FLYWCH1: variants seen among roughly 807,000 people sequenced by gnomAD.
The protein encoded by FLYWCH1 is FLYWCH-type zinc finger 1.
A neutral mutation model predicts 66.4 loss-of-function variants in FLYWCH1; 75 were observed. The observed-to-expected ratio is 1.13, with a 90% CI of 0.94 to 1.37. The LOEUF (loss-of-function observed/expected upper bound fraction) is 1.37. FLYWCH1 is among the 40% of genes most tolerant of loss of function. The pLI is 0.00. For synonymous variants in FLYWCH1, 595 were observed against 429.9 expected, an observed-to-expected ratio of 1.38 and a Z score of -4.75; for missense variants, 1,334 against 1,001.8, an observed-to-expected ratio of 1.33 and a Z score of -4.48.
At chr16:2,941,908 A>G in intron 9 of FLYWCH1, among the ~76,000 whole-genome samples, 1 of 143,420 alleles carries the variant, frequency 7.0e-6, no homozygotes, top group African/African-American at 2.6e-5. Flanking sequence ...GTAGCAGGAG[A>G]ATTGCTTGAA....
At chr16:2,938,530 G>A (rs914147100) in intron 8 of FLYWCH1, 74 bp downstream of exon 8, 5 of 1,412,882 alleles carry the variant, frequency 3.5e-6, no homozygotes, top group Admixed American at 2.6e-5. Context: ...TGATGCCCCA[G>A]GCCAGGCACC....
rs563526861 is a variant in FLYWCH1 at position 2,933,785 on chromosome 16, G to T, written c.1319G>T (p.Arg440Leu). ...GTGTACGAGTCCTTCCTCTACCGGC[G>T]GGAGAAGGCGGCTGGGGAGAAGGTG... ...FLVYESFLYR[R>L]EKAAGEKVYW... The change falls in exon 6 of 10, where the codon CGG becomes CTG. Residue 440 changes from arginine to leucine, a missense_variant. Arg to Leu is a moderately radical substitution (Grantham distance 102, BLOSUM62 -2). Transcript: ENST00000253928. The T allele has an allele frequency of 1.2e-6, 2 of 1,611,230 alleles. No homozygotes were observed. Among genetic ancestry groups the T allele is most frequent in the South Asian group, 1.1e-5 (1 of 90,816 alleles).
Position 2,933,224 on chromosome 16 carries a change from G to T in FLYWCH1, c.891G>T (p.Gly297=). Residue 297 remains glycine, a synonymous_variant, in exon 5 of 10, where the codon GGG becomes GGT. Coordinates refer to ENST00000253928, the MANE Select transcript of FLYWCH1 (RefSeq NM_001308068.2). ...SFLYKREKAV[G]DKVYWTCRDH... is the part of the protein sequence containing the mutation. ...TCTACAAGCGGGAGAAGGCTGTCGGGGACAAGGTGTATTGGACCTGCCGGG... is the reference window on the plus strand; with the variant it reads ...TCTACAAGCGGGAGAAGGCTGTCGGTGACAAGGTGTATTGGACCTGCCGGG... 6.2e-7 allele frequency: 1 copy of T among 1,613,674 alleles called. No homozygotes were observed. Among genetic ancestry groups the T allele is most frequent in the Middle Eastern group, 1.6e-4 (1 of 6,062 alleles).
At chr16:2,942,022 A>C (rs28844308) in intron 9 of FLYWCH1, among the ~76,000 whole-genome samples, 31,149 of 135,210 alleles carry the variant, frequency 0.23, 5,122 homozygotes, top group African/African-American at 0.39. Flanking sequence ...AAAAAAAAAA[A>C]ACTGAAGCAG....
At chr16:2,918,202 C>G (rs1482171228) in intron 2 of FLYWCH1, among the ~76,000 whole-genome samples, 1 of 139,340 alleles carries the variant, frequency 7.2e-6, no homozygotes, top group African/African-American at 2.8e-5. Context: ...GGCTGGAGTG[C>G]AGTGGGGCAA....
intron 8 of FLYWCH1, 123 bp downstream of exon 8, chr16:2,938,579 A>C (rs2071120342): frequency 1.3e-6 from 1 of 799,086 alleles, no homozygotes; most frequent in Non-Finnish European, 1.8e-6. Flanking sequence ...CAAATTATTC[A>C]TATAAACAGA....
intron 6 of FLYWCH1, chr16:2,936,237 G>A: frequency 2.8e-6 from 1 of 360,358 alleles, no homozygotes; most frequent in Admixed American, 3.5e-5. Context: ...CATCCGTGTG[G>A]AAGGGGATAA....
chr16:2,929,300 G>A (rs142601015), intron 2 of FLYWCH1, among the ~76,000 whole-genome samples: 167 of 152,296 alleles, frequency 1.1e-3, no homozygotes, highest in African/African-American at 3.7e-3. Context: ...CTGGAAACGC[G>A]GGTGGAAACC....
At chr16:2,930,328 C>A in intron 3 of FLYWCH1, 82 bp from the exon 4 acceptor site, 1 of 840,420 alleles carries the variant, frequency 1.2e-6, no homozygotes. Context: ...TACTCAGGAT[C>A]CCCACGCCCT....
intron 2 of FLYWCH1, among the ~76,000 whole-genome samples, chr16:2,929,282 AG>A (rs951915795): frequency 2.6e-5 from 4 of 152,006 alleles, no homozygotes; most frequent in African/African-American, 9.7e-5. Flanking sequence ...TAGGGACTGG[AG>A]GGGGGACTGG....
rs567126922 is a variant in FLYWCH1 at position 2,928,327 on chromosome 16, G to T, written c.-73-1286G>T. On this transcript the variant is annotated intron_variant, in intron 2 of 9. Coordinates refer to ENST00000253928, the MANE Select transcript of FLYWCH1 (RefSeq NM_001308068.2). ...ACCCTTCACAGGTGTCAGGCTGGGG[G>T]ATGGTAAGGTCTTTCCTTTCCCATG... Among the ~76,000 whole-genome samples the T allele has an allele frequency of 5.3e-5, 8 of 152,264 alleles. No individual in the cohort carries two copies. The South Asian group carries it at 1.2e-3, about 24-fold the overall frequency.
intron 6 of FLYWCH1, chr16:2,936,336 C>A: frequency 2.2e-6 from 1 of 454,088 alleles, no homozygotes; most frequent in Non-Finnish European, 4.4e-6. Flanking sequence ...CCCCAGGCTC[C>A]TGTGCTGCTG....
intron 2 of FLYWCH1, among the ~76,000 whole-genome samples, chr16:2,927,751 G>A (rs2070622784): frequency 6.6e-6 from 1 of 152,234 alleles, no homozygotes; most frequent in Non-Finnish European, 1.5e-5. Context: ...AAGGAGGCCT[G>A]CCGCTCCACA....
At chr16:2,934,203 C>G (rs571053392) in intron 6 of FLYWCH1, among the ~76,000 whole-genome samples, 1 of 152,292 alleles carries the variant, frequency 6.6e-6, no homozygotes, top group East Asian at 1.9e-4. Context: ...CCAGCCTGAC[C>G]TGCCCCACAG....
intron 9 of FLYWCH1, among the ~76,000 whole-genome samples, chr16:2,944,371 G>C (rs1051185611): frequency 1.4e-5 from 2 of 146,650 alleles, no homozygotes; most frequent in African/African-American, 5.1e-5. Flanking sequence ...TCCAGCCTGG[G>C]TGACAAGAGT....
intron 2 of FLYWCH1, among the ~76,000 whole-genome samples, chr16:2,916,767 A>G (rs951178868): frequency 2.4e-4 from 37 of 152,196 alleles, no homozygotes; most frequent in African/African-American, 8.4e-4. Flanking sequence ...AGTACTTAAA[A>G]TTTGGGCAAA....
intron 2 of FLYWCH1, among the ~76,000 whole-genome samples, chr16:2,919,289 G>A (rs1252454045): frequency 1.4e-5 from 2 of 142,062 alleles, no homozygotes; most frequent in East Asian, 4.1e-4. Flanking sequence ...TTTTTGAGAC[G>A]GAGTCTTGCT....
chr16:2,913,100 A>C (rs2070047369), intron 1 of FLYWCH1: 1 of 152,316 alleles, frequency 6.6e-6, no homozygotes, highest in South Asian at 2.1e-4. Flanking sequence ...CTAAGGCTGG[A>C]GATGGAGATG....
intron 4 of FLYWCH1, among the ~76,000 whole-genome samples, chr16:2,931,949 T>TA (rs973408505): frequency 5.9e-5 from 9 of 151,848 alleles, no homozygotes; most frequent in South Asian, 4.2e-4. Flanking sequence ...CTGTCTCTAC[T>TA]AAAAAAATAC....
Sources: gnomAD v4.1 joint callset for allele counts (sites outside exome capture counted in the v4.1 genomes callset) on GRCh38, gnomAD v4.1.1 for gene constraint, MANE v1.5 for transcripts, NCBI Gene and HGNC (gene_info 2026-07-23, HGNC 2026-07-21) for gene names.